Variants in GPD2 observed in about 807,000 individuals in gnomAD.
The protein encoded by GPD2 is glycerol-3-phosphate dehydrogenase, mitochondrial.
GPD2 carries 54 observed loss-of-function variants against 82.4 expected under a neutral mutation model. That is an observed-to-expected ratio of 0.66 (90% CI 0.53 to 0.82). The LOEUF is 0.82. Among genes scored for constraint, GPD2 ranks in the 40% least tolerant of loss-of-function variants. The probability of loss-of-function intolerance (pLI) is 0.00; values close to 1 mark genes in which losing one functional copy is unlikely to be tolerated. For missense variants in GPD2, 748 were observed against 896.2 expected (o/e 0.83, Z 2.11); for synonymous variants, 288 against 306.1 (o/e 0.94, Z 0.62).
chr2:156,549,132 A>C (rs974698254), intron 6 of GPD2, among the ~76,000 whole-genome samples: 1 of 152,226 alleles, frequency 6.6e-6, no homozygotes, highest in African/African-American at 2.4e-5. Flanking sequence ...GAAATGCTCT[A>C]TGGAAGATAA....
In GPD2 at chr2:156,584,659, A is replaced by G. The variant is rs1688151798; in HGVS notation, c.*1741A>G. ...GTGATGCTCCCAGGTATCACTGTGA[A>G]CTTTTTTCTTTCAAAGTGTGAATTT... is the stretch of plus-strand genomic sequence containing the variant. On this transcript the variant is annotated 3_prime_UTR_variant, in exon 17 of 17. Coordinates refer to ENST00000438166, the MANE Select transcript of GPD2 (RefSeq NM_000408.5). 6.6e-6 allele frequency: 1 copy of G among 152,452 alleles called. No homozygotes were observed. The highest frequency in any genetic ancestry group is 2.4e-5 in the African/African-American group (1 of 41,424). The allele number at this position is 152,452 out of a possible 1,614,324, so 9.4% of individuals were successfully genotyped here.
At chr2:156,471,137 T>G (rs1683313312) in intron 1 of GPD2, among the ~76,000 whole-genome samples, 1 of 152,250 alleles carries the variant, frequency 6.6e-6, no homozygotes, top group Non-Finnish European at 1.5e-5. Context: ...CCACTTATTG[T>G]GTTCAGTCTC....
rs151268200 is a variant in GPD2, at chr2:156,460,949, T to C, written c.-8-15149T>C. On this transcript the variant is annotated intron_variant, in intron 1 of 16. Coordinates refer to ENST00000438166, the MANE Select transcript of GPD2 (RefSeq NM_000408.5). ...TTTCCCCCTCTCCCATTGTGTCCTT[T>C]TTTCTATACTTGCATCTACTCATTA... Among the ~76,000 whole-genome samples the C allele has an allele frequency of 1.8e-3, 269 of 152,298 alleles. 2 individuals are homozygous for C. The highest frequency in any genetic ancestry group is 6.0e-3 in the African/African-American group (251 of 41,560).
intron 1 of GPD2, among the ~76,000 whole-genome samples, chr2:156,458,313 AT>A (rs1682857246): frequency 6.6e-6 from 1 of 152,188 alleles, no homozygotes; most frequent in Non-Finnish European, 1.5e-5. Context: ...TGGAGTTGAA[AT>A]TTGGGAAACA....
rs1455990473 is a variant in GPD2, at chr2:156,566,922, G to A, written c.1166-1903G>A. The stretch of plus-strand genomic sequence containing the variant: ...TAATATCCATTTTAATGGGTGTGAA[G>A]TGGTATCTCATTGTGGTTTTCATTT... On this transcript the variant is annotated intron_variant, in intron 9 of 16. Coordinates refer to ENST00000438166, the MANE Select transcript of GPD2 (RefSeq NM_000408.5). Among the ~76,000 whole-genome samples, 3 of 152,000 alleles carry A rather than the reference G, an allele frequency of 2.0e-5. No individual in the cohort carries two copies. The East Asian group carries it at 5.8e-4, about 29-fold the overall frequency.
At chr2:156,461,432 A>T (rs1027613575) in intron 1 of GPD2, among the ~76,000 whole-genome samples, 1 of 152,150 alleles carries the variant, frequency 6.6e-6, no homozygotes, top group Non-Finnish European at 1.5e-5. Context: ...TTTGTCACCC[A>T]GGTTGGTGTG....
intron 2 of GPD2, among the ~76,000 whole-genome samples, chr2:156,484,155 G>A (rs10192526): frequency 6.6e-6 from 1 of 151,618 alleles, no homozygotes; most frequent in African/African-American, 2.4e-5. Flanking sequence ...TTTTTTTTGA[G>A]ACAGTGTCTC....
chr2:156,507,950 G>A (rs951579260), intron 3 of GPD2, among the ~76,000 whole-genome samples: 2 of 152,014 alleles, frequency 1.3e-5, no homozygotes, highest in South Asian at 2.1e-4. Context: ...CCCTGAACAC[G>A]TACTTCTCTG....
chr2:156,520,560 GTTATTTATTTATTTAT>G (rs148048031), intron 6 of GPD2, among the ~76,000 whole-genome samples: 1,663 of 144,014 alleles, frequency 0.012, 9 homozygotes, highest in Non-Finnish European at 0.016. Context: ...TATTTTTATT[GTTATTTATTTATTTAT>G]TTATTTATTT....
intron 6 of GPD2, 21 bp from the exon 7 acceptor site, chr2:156,549,587 C>G: frequency 6.2e-7 from 1 of 1,612,752 alleles, no homozygotes; most frequent in Non-Finnish European, 8.5e-7. Context: ...TCTCCCTCCC[C>G]TGATGCTTTC....
chr2:156,517,352 A>G (rs1685237643), intron 6 of GPD2, among the ~76,000 whole-genome samples: 1 of 152,242 alleles, frequency 6.6e-6, no homozygotes, highest in African/African-American at 2.4e-5. Context: ...CTGAAAAACA[A>G]ATTCACATAA....
chr2:156,496,730 CAT>C (rs1684396179), intron 3 of GPD2, among the ~76,000 whole-genome samples: 1 of 151,690 alleles, frequency 6.6e-6, no homozygotes, highest in Non-Finnish European at 1.5e-5. Flanking sequence ...TTTTAAAGCA[CAT>C]ATTTATATTT....
chr2:156,571,251 C>T lies in GPD2; in HGVS notation c.1726C>T (p.Leu576=), dbSNP rs116790305. 3 of 1,612,472 alleles carry T rather than the reference C, an allele frequency of 1.9e-6. No individual in the cohort carries two copies. Among genetic ancestry groups the T allele is most frequent in the East Asian group, 2.2e-5 (1 of 44,876 alleles). ...AEEALPRIVE[L]MGRELNWDDY... The stretch of plus-strand genomic sequence containing the variant: ...GGAAGCCCTACCCAGGATTGTTGAA[C>T]TGATGGGCAGGGAACTGAATTGGGA... Residue 576 remains leucine, a synonymous_variant, in exon 13 of 17, where the codon CTG becomes TTG. Coordinates refer to ENST00000438166, the MANE Select transcript of GPD2 (RefSeq NM_000408.5).
the GPD2 span, among the ~76,000 whole-genome samples, chr2:156,416,191 T>C: frequency 1.3e-5 from 2 of 151,952 alleles, no homozygotes; most frequent in Non-Finnish European, 2.9e-5. Flanking sequence ...TATATATGTA[T>C]ATACCACAGT....
intron 1 of GPD2, among the ~76,000 whole-genome samples, chr2:156,461,451 T>A (rs930595605): frequency 2.6e-5 from 4 of 152,202 alleles, no homozygotes; most frequent in Admixed American, 6.5e-5. Context: ...TGATCGTGGC[T>A]CACTGTAGGC....
At chr2:156,496,430 T>C (rs528644900) in intron 3 of GPD2, among the ~76,000 whole-genome samples, 1 of 151,244 alleles carries the variant, frequency 6.6e-6, no homozygotes, top group Non-Finnish European at 1.5e-5. Context: ...TTCCCCTCCA[T>C]GTGTCCATGT....
At chr2:156,513,219 C>A (rs1685065740) in intron 5 of GPD2, 114 bp from the exon 6 acceptor site, 1 of 827,302 alleles carries the variant, frequency 1.2e-6, no homozygotes, top group Non-Finnish European at 2.1e-6. Context: ...CTTTTGCAGT[C>A]CACTTCTAGG....
At chr2:156,549,799 A>AT (rs772387708) in intron 7 of GPD2, 27 bp downstream of exon 7, 2 of 1,541,754 alleles carry the variant, frequency 1.3e-6, no homozygotes, top group Non-Finnish European at 1.8e-6. Context: ...GGAGGGAGGT[A>AT]TTTCTTAGTA....
intron 1 of GPD2, among the ~76,000 whole-genome samples, chr2:156,462,453 A>ATTTTTTTTT (rs35159143): frequency 2.2e-4 from 26 of 118,178 alleles, no homozygotes; most frequent in Admixed American, 2.6e-4. Flanking sequence ...ACCCGGATAC[A>ATTTTTTTTT]TTTTTTTTTT....
Sources: gnomAD v4.1 joint callset for allele counts (sites outside exome capture counted in the v4.1 genomes callset) on GRCh38, gnomAD v4.1.1 for gene constraint, MANE v1.5 for transcripts, NCBI Gene and HGNC (gene_info 2026-07-23, HGNC 2026-07-21) for gene names.